The following FAM171B variants were observed in gnomAD, a reference collection of about 807,000 sequenced individuals.
FAM171B encodes the protein protein FAM171B.
A neutral mutation model predicts 75.6 loss-of-function variants in FAM171B; 19 were observed. The observed-to-expected ratio is 0.25, with a 90% CI of 0.18 to 0.37. The LOEUF (loss-of-function observed/expected upper bound fraction) is 0.37. Ranked by LOEUF, FAM171B falls within the 10% of genes least tolerant of loss-of-function variation. The probability of loss-of-function intolerance (pLI) is 1.00; values close to 1 mark genes in which losing one functional copy is unlikely to be tolerated. For synonymous variants in FAM171B, 367 were observed against 361.7 expected, an observed-to-expected ratio of 1.01 and a Z score of -0.17; for missense variants, 848 against 982.4, an observed-to-expected ratio of 0.86 and a Z score of 1.83.
chr2:186,740,476 AG>A lies in FAM171B; in HGVS notation c.472+16del, dbSNP rs762390123. The A allele has an allele frequency of 6.3e-7, 1 of 1,581,520 alleles. No individual in the cohort carries two copies. The highest frequency in any genetic ancestry group is 1.7e-4 in the Middle Eastern group (1 of 5,922). On this transcript the variant is annotated intron_variant, in intron 2 of 7. Transcript: ENST00000304698. ...AAGAATGCCAAGTAAGCACTTAAAC[AG>A]TTTTTTTTTGTTTGTTTTTGCTAAA...
At chr2:186,750,484 T>A (rs941209816) in intron 4 of FAM171B, among the ~76,000 whole-genome samples, 4 of 152,220 alleles carry the variant, frequency 2.6e-5, no homozygotes, top group African/African-American at 9.6e-5. Flanking sequence ...TTATATTCTT[T>A]CAGTTGTATG....
intron 2 of FAM171B, among the ~76,000 whole-genome samples, chr2:186,741,602 G>A (rs1437729588): frequency 6.6e-6 from 1 of 152,028 alleles, no homozygotes; most frequent in Non-Finnish European, 1.5e-5. Context: ...TCTAAGATTA[G>A]TACACCAAAG....
intron 1 of FAM171B, among the ~76,000 whole-genome samples, chr2:186,721,620 T>C (rs62173044): frequency 0.2 from 29,718 of 152,120 alleles, 3,885 homozygotes; most frequent in East Asian, 0.53. Flanking sequence ...AATTTAATTA[T>C]ACAATTCTCT....
chr2:186,711,952 T>G (rs999553374), intron 1 of FAM171B, among the ~76,000 whole-genome samples: 1 of 152,176 alleles, frequency 6.6e-6, no homozygotes, highest in African/African-American at 2.4e-5. Flanking sequence ...TTTAAATTAG[T>G]TTCTAATTGT....
At chr2:186,746,502 G>A (rs889055520) in intron 3 of FAM171B, among the ~76,000 whole-genome samples, 3 of 152,170 alleles carry the variant, frequency 2.0e-5, no homozygotes, top group East Asian at 1.9e-4. Flanking sequence ...GCTCGATCAC[G>A]ACTTCAGTAG....
Position 186,761,833 on chromosome 2 carries a change from TAAC to T in FAM171B, c.1497_1499del (p.Asn500del). The stretch of plus-strand genomic sequence containing the variant: ...TAGGGTCCAAACAACCTAAACATAT[TAAC>T]AACAATCTATCTTCATCTCTAGGTG... On this transcript the variant is annotated inframe_deletion, in exon 8 of 8. Coordinates refer to ENST00000304698, the MANE Select transcript of FAM171B (RefSeq NM_177454.4). 6.2e-7 allele frequency: 1 copy of T among 1,613,072 alleles called. No individual in the cohort carries two copies. The highest frequency in any genetic ancestry group is 8.5e-7 in the Non-Finnish European group (1 of 1,179,720).
chr2:186,720,772 A>G (rs1235243489), intron 1 of FAM171B, among the ~76,000 whole-genome samples: 4 of 151,822 alleles, frequency 2.6e-5, no homozygotes, highest in Non-Finnish European at 4.4e-5. Context: ...AAATGTACCC[A>G]AACCCTGAGT....
chr2:186,726,772 C>G (rs1690039646), intron 1 of FAM171B, among the ~76,000 whole-genome samples: 1 of 151,838 alleles, frequency 6.6e-6, no homozygotes, highest in Non-Finnish European at 1.5e-5. Flanking sequence ...GTTAAATATT[C>G]TTATGAAAAA....
At chr2:186,701,091 A>T (rs572540438) in intron 1 of FAM171B, among the ~76,000 whole-genome samples, 8 of 150,018 alleles carry the variant, frequency 5.3e-5, no homozygotes, top group South Asian at 4.2e-4. Context: ...TAAGTTTTGT[A>T]TTTTTTTTTA....
intron 1 of FAM171B, among the ~76,000 whole-genome samples, chr2:186,699,473 A>G (rs1173286135): frequency 1.3e-5 from 2 of 152,062 alleles, no homozygotes; most frequent in East Asian, 1.9e-4. Flanking sequence ...AAATAGGATT[A>G]TTGGGTTTTT....
chr2:186,706,449 A>C (rs927782629), intron 1 of FAM171B, among the ~76,000 whole-genome samples: 1 of 152,224 alleles, frequency 6.6e-6, no homozygotes, highest in African/African-American at 2.4e-5. Flanking sequence ...GAGACTATGA[A>C]GAGTGAATGG....
intron 6 of FAM171B, among the ~76,000 whole-genome samples, chr2:186,755,907 A>C (rs17694346): frequency 0.023 from 3,577 of 152,292 alleles, 76 homozygotes; most frequent in Non-Finnish European, 0.036. Context: ...TCATGATGCA[A>C]AATATCATAC....
intron 1 of FAM171B, among the ~76,000 whole-genome samples, chr2:186,704,526 G>T (rs1574096065): frequency 6.6e-6 from 1 of 152,126 alleles, no homozygotes; most frequent in Non-Finnish European, 1.5e-5. Context: ...ATTCTTTTAA[G>T]GTAGACACCC....
At chr2:186,736,998 T>C (rs1332171649) in intron 1 of FAM171B, among the ~76,000 whole-genome samples, 2 of 152,236 alleles carry the variant, frequency 1.3e-5, no homozygotes, top group East Asian at 3.8e-4. Flanking sequence ...TTATTACCAA[T>C]CACATTAAGT....
In FAM171B at chr2:186,733,542, C is replaced by T. The variant is rs549614177; in HGVS notation, c.239-6686C>T. Among the ~76,000 whole-genome samples the T allele has an allele frequency of 6.6e-5, 10 of 152,342 alleles. No individual in the cohort carries two copies. In the South Asian group the frequency reaches 2.1e-3, roughly 32 times the overall value. On this transcript the variant is annotated intron_variant, in intron 1 of 7. Coordinates refer to ENST00000304698, the MANE Select transcript of FAM171B (RefSeq NM_177454.4). ...GCTCAGGCCCACTGGGCTTGTTCTT[C>T]CCACTTGGCCCAGGAGGCTGCATTC...
At chr2:186,713,038 T>C (rs1689830014) in intron 1 of FAM171B, among the ~76,000 whole-genome samples, 2 of 152,216 alleles carry the variant, frequency 1.3e-5, no homozygotes, top group Non-Finnish European at 2.9e-5. Flanking sequence ...TTTTGGTACT[T>C]AAAAAAACTG....
At chr2:186,706,390 T>A (rs1689733613) in intron 1 of FAM171B, among the ~76,000 whole-genome samples, 1 of 152,230 alleles carries the variant, frequency 6.6e-6, no homozygotes, top group South Asian at 2.1e-4. Flanking sequence ...CTTTTTTTGA[T>A]TCACACTTCT....
At chr2:186,698,891 TG>T (rs950106548) in intron 1 of FAM171B, among the ~76,000 whole-genome samples, 4 of 152,180 alleles carry the variant, frequency 2.6e-5, no homozygotes, top group African/African-American at 4.8e-5. Flanking sequence ...ATGCAAAGTT[TG>T]TCTGTGCCTG....
intron 1 of FAM171B, among the ~76,000 whole-genome samples, chr2:186,726,218 CTG>C (rs1206901228): frequency 6.6e-6 from 1 of 152,148 alleles, no homozygotes; most frequent in Non-Finnish European, 1.5e-5. Context: ...GACATTTTCT[CTG>C]TAATAAATAT....
Sources: gnomAD v4.1 joint callset for allele counts (sites outside exome capture counted in the v4.1 genomes callset) on GRCh38, gnomAD v4.1.1 for gene constraint, MANE v1.5 for transcripts, NCBI Gene and HGNC (gene_info 2026-07-23, HGNC 2026-07-21) for gene names.